The following ARHGEF10 variants were observed in gnomAD, a reference collection of about 807,000 sequenced individuals.
The protein encoded by ARHGEF10 is Rho guanine nucleotide exchange factor (GEF) 10.
ARHGEF10 carries 140 observed loss-of-function variants against 147.4 expected under a neutral mutation model. That is an observed-to-expected ratio of 0.95 (90% CI 0.83 to 1.09). ARHGEF10 has a LOEUF of 1.09. Among genes scored for constraint, ARHGEF10 ranks in the 50% least tolerant of loss-of-function variants. ARHGEF10 has a pLI of 0.00. For missense variants in ARHGEF10, 2,222 were observed against 1,752.7 expected (o/e 1.27, Z -4.78); for synonymous variants, 902 against 695.8 (o/e 1.30, Z -4.67).
intron 16 of ARHGEF10, chr8:1,904,096 C>CAA (rs773143745): frequency 1.4e-5 from 2 of 139,306 alleles, no homozygotes; most frequent in Non-Finnish European, 1.6e-5. Flanking sequence ...AACCCTGTTT[C>CAA]AAAAAAAAAA....
intron 15 of ARHGEF10, among the ~76,000 whole-genome samples, chr8:1,900,908 GA>G (rs1810399549): frequency 1.3e-5 from 2 of 152,288 alleles, no homozygotes; most frequent in African/African-American, 4.8e-5. Flanking sequence ...CCCTGAAGGA[GA>G]AAATGGTCTT....
At chr8:1,925,603 C>T (rs879564635) in intron 22 of ARHGEF10, among the ~76,000 whole-genome samples, 199 bp downstream of exon 22, 1 of 152,222 alleles carries the variant, frequency 6.6e-6, no homozygotes, top group Admixed American at 6.5e-5. Flanking sequence ...CAGCCATTGT[C>T]TCTGAAGCCC....
chr8:1,888,270 GCTGTAGGTTC>G, intron 11 of ARHGEF10, among the ~76,000 whole-genome samples: 2 of 84,396 alleles, frequency 2.4e-5, no homozygotes, highest in Admixed American at 1.2e-4. Context: ...GCTGAGTGGG[GCTGTAGGTTC>G]TGAGGAGGGG....
intron 26 of ARHGEF10, among the ~76,000 whole-genome samples, chr8:1,939,852 C>T (rs944336455): frequency 6.6e-5 from 10 of 152,184 alleles, no homozygotes; most frequent in Non-Finnish European, 1.2e-4. Context: ...ATCCCCATGC[C>T]GCTGAAGGTA....
rs1352314197 is a variant in ARHGEF10, at chr8:1,929,512, GCCTCCCCA to G, written c.3079+80_3079+87del. ...CTCAGGGGACTGTGCATCCGGTTTA[GCCTCCCCA>G]CCTCCCCACCGGCCTCCTGCCTCCC... On this transcript the variant is annotated intron_variant, in intron 25 of 28. Transcript: ENST00000349830. 26 of 1,519,160 alleles carry G rather than the reference GCCTCCCCA, an allele frequency of 1.7e-5. No individual in the cohort carries two copies. In the East Asian group the frequency reaches 3.6e-4, roughly 21 times the overall value. The allele number at this position is 1,519,160 out of a possible 1,614,324, so 94.1% of individuals were successfully genotyped here.
intron 26 of ARHGEF10, among the ~76,000 whole-genome samples, chr8:1,938,124 TCA>T (rs1035277072): frequency 1.3e-5 from 2 of 152,200 alleles, no homozygotes; most frequent in Non-Finnish European, 2.9e-5. Context: ...ACGGTGCCAG[TCA>T]CAGTCACCTG....
intron 11 of ARHGEF10, 89 bp downstream of exon 11, chr8:1,885,796 A>G: frequency 9.3e-7 from 1 of 1,074,816 alleles, no homozygotes; most frequent in Non-Finnish European, 1.4e-6. Context: ...GTTGGTAAAT[A>G]TTTGCTGTCT....
At chr8:1,912,597 C>T (rs966502024) in intron 18 of ARHGEF10, among the ~76,000 whole-genome samples, 11 of 113,690 alleles carry the variant, frequency 9.7e-5, no homozygotes, top group Non-Finnish European at 2.0e-4. Flanking sequence ...CCATGTGGAT[C>T]GCGGGTTTGC....
At chr8:1,862,231 G>A (rs561224190) in intron 4 of ARHGEF10, among the ~76,000 whole-genome samples, 10 of 152,356 alleles carry the variant, frequency 6.6e-5, no homozygotes, top group Admixed American at 3.9e-4. Context: ...TCCCTGGGGC[G>A]GGGCGGCCGC....
intron 7 of ARHGEF10, chr8:1,869,715 C>T (rs1585328637): frequency 3.9e-6 from 1 of 254,704 alleles, no homozygotes; most frequent in Non-Finnish European, 7.8e-6. Flanking sequence ...ATACCTAGGC[C>T]GATGCAATGG....
chr8:1,861,618 G>T (rs1476478958), intron 4 of ARHGEF10, among the ~76,000 whole-genome samples: 1 of 152,070 alleles, frequency 6.6e-6, no homozygotes, highest in Non-Finnish European at 1.5e-5. Flanking sequence ...TCCCTTTCCA[G>T]TTAATAACAG....
chr8:1,829,125 G>A lies in ARHGEF10; in HGVS notation c.-48+5012G>A, dbSNP rs112665182. 7.7e-3 allele frequency among the ~76,000 whole-genome samples: 1,178 copies of A among 152,342 alleles called. 20 individuals carry two copies. The highest frequency in any genetic ancestry group is 0.028 in the African/African-American group (1,145 of 41,572). On this transcript the variant is annotated intron_variant, in intron 1 of 28. Coordinates refer to ENST00000349830, the MANE Select transcript of ARHGEF10 (RefSeq NM_014629.4). ...AGCCCGGCCAGGCCGAGCGCTCCCC[G>A]CCTGCACAGTTGCACTCATGTCGGG...
At chr8:1,925,827 C>T (rs989475888) in intron 22 of ARHGEF10, among the ~76,000 whole-genome samples, 1 of 152,194 alleles carries the variant, frequency 6.6e-6, no homozygotes, top group Non-Finnish European at 1.5e-5. Flanking sequence ...TCCAGGGTGG[C>T]GTCTTATTAA....
intron 21 of ARHGEF10, among the ~76,000 whole-genome samples, chr8:1,924,574 G>A (rs977145469): frequency 5.9e-5 from 9 of 152,180 alleles, no homozygotes; most frequent in African/African-American, 1.7e-4. Context: ...CCATTGCCCC[G>A]GGGAGCTCTG....
Position 1,896,373 on chromosome 8 carries a change from T to G in ARHGEF10, c.1481T>G (p.Val494Gly). The G allele has an allele frequency of 6.2e-7, 1 of 1,614,068 alleles. No homozygotes were observed. The highest frequency in any genetic ancestry group is 8.5e-7 in the Non-Finnish European group (1 of 1,180,024). Residue 494 changes from valine to glycine, a missense_variant, in exon 14 of 29, where the codon GTG (valine) becomes GGG (glycine). Physicochemically the swap from Val to Gly is moderately radical, Grantham distance 109. Transcript: ENST00000349830. ...SMVLDAYSEY[V>G]NNFSTAVAVL... ...GTGCTGGATGCATACAGTGAATATG[T>G]GAACAATTTCAGCACAGCCGTGGCA... is the stretch of plus-strand genomic sequence containing the variant.
At position 1,847,131 on chromosome 8, in the gene ARHGEF10, G is replaced by A. The variant is rs539619883; in HGVS notation, c.37+3695G>A. On this transcript the variant is annotated intron_variant, in intron 2 of 28. Transcript: ENST00000349830. Reference sequence around the variant, plus strand: ...TCAGGTCATCACAAGGGGAAGTGGTGTTGGAGAGGCAGCCTGTGCACCAGG... The same window carrying A: ...TCAGGTCATCACAAGGGGAAGTGGTATTGGAGAGGCAGCCTGTGCACCAGG... 4.6e-5 allele frequency among the ~76,000 whole-genome samples: 7 copies of A among 152,314 alleles called. No individual in the cohort carries two copies. In the East Asian group the frequency reaches 1.4e-3, roughly 29 times the overall value.
chr8:1,868,776 AT>A (rs1220690177), intron 6 of ARHGEF10, among the ~76,000 whole-genome samples: 1 of 152,092 alleles, frequency 6.6e-6, no homozygotes, highest in East Asian at 1.9e-4. Flanking sequence ...CCACCGTTGT[AT>A]TTTTTTGTGC....
chr8:1,869,489 G>A, intron 7 of ARHGEF10: 1 of 640,342 alleles, frequency 1.6e-6, no homozygotes, highest in Non-Finnish European at 2.8e-6. Context: ...AAACAGAGGA[G>A]TAAAGGTACA....
At chr8:1,915,012 C>T (rs1394604220) in intron 18 of ARHGEF10, among the ~76,000 whole-genome samples, 2 of 152,142 alleles carry the variant, frequency 1.3e-5, no homozygotes, top group Admixed American at 6.5e-5. Flanking sequence ...ACTGGGGGAG[C>T]GGATGCAGCT....
Sources: allele counts gnomAD v4.1 joint callset (sites outside exome capture counted in the v4.1 genomes callset), GRCh38; gene constraint gnomAD v4.1.1; transcripts MANE v1.5; gene names NCBI Gene and HGNC (gene_info 2026-07-23, HGNC 2026-07-21).